The following AFF3 variants were observed in gnomAD, a reference collection of about 807,000 sequenced individuals.
AFF3 encodes the protein AF4/FMR2 family member 3.
Under a neutral mutation model 129.7 loss-of-function variants are expected in AFF3, and 32 were observed. That is an observed-to-expected ratio of 0.25 (90% CI 0.19 to 0.33). The LOEUF (loss-of-function observed/expected upper bound fraction) is 0.33, where lower values mean the gene tolerates loss of function less well. Among genes scored for constraint, AFF3 ranks in the 10% least tolerant of loss-of-function variants. The pLI, the probability that AFF3 is intolerant of heterozygous loss-of-function variation, is 1.00. For synonymous variants in AFF3, 644 were observed against 635.4 expected (o/e 1.01, Z -0.20); for missense variants, 1,373 against 1,592.0 (o/e 0.86, Z 2.34).
chr2:99,816,233 G>A (rs1423018297), intron 8 of AFF3, among the ~76,000 whole-genome samples: 2 of 151,900 alleles, frequency 1.3e-5, no homozygotes, highest in Non-Finnish European at 1.5e-5. Flanking sequence ...TGGCGACATG[G>A]CCTATATAAT....
intron 7 of AFF3, among the ~76,000 whole-genome samples, chr2:99,882,682 C>A (rs1184723044): frequency 6.6e-6 from 1 of 152,198 alleles, no homozygotes; most frequent in African/African-American, 2.4e-5. Context: ...CATCCTGTTC[C>A]AGTTTACTTA....
chr2:99,681,082 A>G (rs546505062), intron 11 of AFF3, among the ~76,000 whole-genome samples: 19 of 152,060 alleles, frequency 1.2e-4, no homozygotes, highest in South Asian at 1.0e-3. Context: ...TCTTTTTTTA[A>G]AGCTCCCTAG....
At chr2:99,943,466 G>C (rs1372794975) in intron 7 of AFF3, among the ~76,000 whole-genome samples, 1 of 152,188 alleles carries the variant, frequency 6.6e-6, no homozygotes, top group South Asian at 2.1e-4. Context: ...CTTCAGGGGT[G>C]ATACATCTGA....
At chr2:100,077,341 G>A (rs939162031) in intron 4 of AFF3, among the ~76,000 whole-genome samples, 3 of 152,206 alleles carry the variant, frequency 2.0e-5, no homozygotes, top group Non-Finnish European at 4.4e-5. Context: ...GGAGCAGGAA[G>A]GTTAGACAAG....
chr2:99,848,407 C>T (rs987042868), intron 7 of AFF3, among the ~76,000 whole-genome samples: 2 of 152,114 alleles, frequency 1.3e-5, no homozygotes, highest in Admixed American at 6.5e-5. Flanking sequence ...ATGAGATCCG[C>T]CACGTACAGG....
chr2:100,130,524 C>T (rs1328616667), intron 1 of AFF3, among the ~76,000 whole-genome samples: 1 of 152,246 alleles, frequency 6.6e-6, no homozygotes, highest in East Asian at 1.9e-4. Context: ...AGTCTCCATC[C>T]ACGGGCTCAG....
At chr2:99,623,151 CTTTT>C (rs77383046) in intron 13 of AFF3, among the ~76,000 whole-genome samples, 2 of 124,184 alleles carry the variant, frequency 1.6e-5, no homozygotes, top group African/African-American at 2.9e-5. Context: ...ACCTCTGGTT[CTTTT>C]TTTTTTTTTT....
In AFF3 at chr2:99,598,918, G is replaced by A. The variant is rs1335260801; in HGVS notation, c.1371+2517C>T. 2.0e-5 allele frequency among the ~76,000 whole-genome samples: 3 copies of A among 152,238 alleles called. No homozygotes were observed. In the East Asian group the frequency reaches 5.8e-4, roughly 29 times the overall value. On this transcript the variant is annotated intron_variant, in intron 14 of 24. Transcript: ENST00000672756. ...TGTGTCTGTATTATCCTTAGGAAAA[G>A]TGTTAAAAGAACTTTACTTTTATTC...
In AFF3 at chr2:100,008,931, C is replaced by G; in HGVS notation, c.55G>C (p.Val19Leu). The G allele has an allele frequency of 6.2e-7, 1 of 1,613,624 alleles. No individual in the cohort carries two copies. Among genetic ancestry groups the G allele is most frequent in the Non-Finnish European group, 8.5e-7 (1 of 1,179,806 alleles). The stretch of plus-strand genomic sequence containing the variant: ...AATGCATTTCTATCTGGTTCATAGA[C>G]ACTGCATCAGGAAAAAGAAGAGAGA... Reference protein sequence around the residue: ...LQEWDLESLCVYEPDRNALRR... With the variant: ...LQEWDLESLCLYEPDRNALRR... The change falls in exon 5 of 25, where the codon GTC (valine) becomes CTC (leucine). Residue 19 changes from valine (V) to leucine (L), a missense_variant and splice_region_variant. Around this residue, in one of 9 missense-constraint regions of AFF3, gnomAD observed 255 missense variants for 256.0 expected, o/e 1.00. Transcript: ENST00000672756.
At chr2:100,074,009 A>T (rs1309515353) in intron 4 of AFF3, among the ~76,000 whole-genome samples, 2 of 152,190 alleles carry the variant, frequency 1.3e-5, no homozygotes, top group Non-Finnish European at 2.9e-5. Context: ...AATCTCTCAC[A>T]AGTCAGAAGG....
chr2:99,990,240 T>C (rs868516075), intron 7 of AFF3, among the ~76,000 whole-genome samples: 9 of 152,190 alleles, frequency 5.9e-5, no homozygotes, highest in Admixed American at 2.0e-4. Flanking sequence ...CAGTGACCAG[T>C]ATGAAGTCCT....
chr2:100,036,157 AAAACAAC>A (rs1684889059), intron 4 of AFF3, among the ~76,000 whole-genome samples: 1 of 149,422 alleles, frequency 6.7e-6, no homozygotes, highest in Non-Finnish European at 1.5e-5. Flanking sequence ...AAAAAAAAAA[AAAACAAC>A]TTTCTCAAAG....
chr2:99,849,297 C>T (rs1476939038), intron 7 of AFF3, among the ~76,000 whole-genome samples: 1 of 152,136 alleles, frequency 6.6e-6, no homozygotes, highest in Admixed American at 6.5e-5. Flanking sequence ...AGTCACAGAA[C>T]AACTCTCTAA....
At chr2:99,816,648 T>C (rs968798832) in intron 8 of AFF3, among the ~76,000 whole-genome samples, 1 of 152,160 alleles carries the variant, frequency 6.6e-6, no homozygotes, top group East Asian at 1.9e-4. Context: ...GTTATTCTTC[T>C]CAAAGCTTGT....
chr2:100,037,074 G>A (rs1684981637), intron 4 of AFF3, among the ~76,000 whole-genome samples: 1 of 151,852 alleles, frequency 6.6e-6, no homozygotes, highest in Non-Finnish European at 1.5e-5. Context: ...TAATTCTATT[G>A]TTAAAAACTG....
At chr2:99,844,628 T>C (rs1689593124) in intron 7 of AFF3, among the ~76,000 whole-genome samples, 1 of 151,836 alleles carries the variant, frequency 6.6e-6, no homozygotes, top group South Asian at 2.1e-4. Context: ...AGAGATGATG[T>C]TTCACCATGT....
chr2:99,647,975 T>C (rs1355194927), intron 13 of AFF3, among the ~76,000 whole-genome samples: 2 of 152,230 alleles, frequency 1.3e-5, no homozygotes, highest in Non-Finnish European at 1.5e-5. Flanking sequence ...AAGTTGTATA[T>C]GTTTTGGGAA....
At chr2:100,021,403 G>A (rs1683589463) in intron 4 of AFF3, among the ~76,000 whole-genome samples, 2 of 152,036 alleles carry the variant, frequency 1.3e-5, no homozygotes, top group Admixed American at 1.3e-4. Context: ...AAAAATATGT[G>A]GTAAATGAAC....
intron 10 of AFF3, among the ~76,000 whole-genome samples, chr2:99,729,716 C>G (rs1242728216): frequency 6.6e-6 from 1 of 151,730 alleles, no homozygotes; most frequent in Non-Finnish European, 1.5e-5. Context: ...AACATTAGTA[C>G]AAATTTTTTT....
Sources: allele counts gnomAD v4.1 joint callset (sites outside exome capture counted in the v4.1 genomes callset), GRCh38; gene constraint gnomAD v4.1.1; regional missense constraint gnomAD v4.1.1; transcripts MANE v1.5; gene names NCBI Gene and HGNC (gene_info 2026-07-23, HGNC 2026-07-21).